PALM2AKAP2: variants seen among roughly 807,000 people sequenced by gnomAD.
PALM2AKAP2 encodes the protein PALM2 and AKAP2 fusion.
A neutral mutation model predicts 71.5 loss-of-function variants in PALM2AKAP2; 37 were observed. The observed-to-expected ratio is 0.52, with a 90% CI of 0.40 to 0.68. The LOEUF (loss-of-function observed/expected upper bound fraction) is 0.68. Ranked by LOEUF, PALM2AKAP2 falls within the 30% of genes least tolerant of loss-of-function variation. PALM2AKAP2 has a pLI of 0.00. For synonymous variants in PALM2AKAP2, 468 were observed against 478.8 expected, an observed-to-expected ratio of 0.98 and a Z score of 0.29; for missense variants, 1,224 against 1,191.8, an observed-to-expected ratio of 1.03 and a Z score of -0.40.
intron 6 of PALM2AKAP2, among the ~76,000 whole-genome samples, chr9:110,007,112 G>A (rs1052375781): frequency 2.0e-5 from 3 of 152,118 alleles, no homozygotes; most frequent in African/African-American, 7.2e-5. Flanking sequence ...CCCTTTTCCT[G>A]TCTCTGAACA....
At chr9:109,843,803 A>G (rs938833522) in intron 1 of PALM2AKAP2, among the ~76,000 whole-genome samples, 5 of 152,198 alleles carry the variant, frequency 3.3e-5, no homozygotes, top group African/African-American at 1.2e-4. Flanking sequence ...AGCTGTTCAC[A>G]CCGAGTTCCA....
chr9:109,988,943 C>T (rs957512101), intron 6 of PALM2AKAP2, among the ~76,000 whole-genome samples: 2 of 152,100 alleles, frequency 1.3e-5, no homozygotes, highest in African/African-American at 4.8e-5. Flanking sequence ...GGGGAAACCC[C>T]TTTTGCTTGG....
chr9:110,166,065 T>C (rs1836727251), intron 3 of PALM2AKAP2, among the ~76,000 whole-genome samples: 1 of 152,170 alleles, frequency 6.6e-6, no homozygotes, highest in South Asian at 2.1e-4. Flanking sequence ...CAATGTAGAG[T>C]TCTTTATAAA....
chr9:110,086,043 G>A (rs1834564214), intron 1 of PALM2AKAP2, among the ~76,000 whole-genome samples: 1 of 149,798 alleles, frequency 6.7e-6, no homozygotes, highest in Non-Finnish European at 1.5e-5. Flanking sequence ...GGAGGCAGTG[G>A]TTGCAGTGAG....
chr9:109,680,871 A>C (rs1457262594), intron 1 of PALM2AKAP2, among the ~76,000 whole-genome samples: 2 of 152,242 alleles, frequency 1.3e-5, no homozygotes, highest in Non-Finnish European at 2.9e-5. Context: ...CTAAAATTCC[A>C]TTCGAGATTA....
intron 1 of PALM2AKAP2, among the ~76,000 whole-genome samples, chr9:110,073,740 C>A (rs1015330754): frequency 6.6e-6 from 1 of 152,132 alleles, no homozygotes; most frequent in African/African-American, 2.4e-5. Context: ...AGAGTCTTTT[C>A]TCTGGGGAAG....
At chr9:109,891,160 C>A (rs1020174689) in intron 3 of PALM2AKAP2, among the ~76,000 whole-genome samples, 1 of 152,124 alleles carries the variant, frequency 6.6e-6, no homozygotes, top group Non-Finnish European at 1.5e-5. Flanking sequence ...CTTTAAAGAC[C>A]GGTAGCATTC....
At chr9:109,712,555 A>G (rs1019562291) in intron 1 of PALM2AKAP2, among the ~76,000 whole-genome samples, 2 of 152,236 alleles carry the variant, frequency 1.3e-5, no homozygotes, top group Admixed American at 6.5e-5. Context: ...GTGGTGCCCT[A>G]ATAAAGGCTG....
At chr9:110,160,083 A>G (rs1053651019) in intron 3 of PALM2AKAP2, among the ~76,000 whole-genome samples, 53 of 152,258 alleles carry the variant, frequency 3.5e-4, no homozygotes, top group African/African-American at 9.9e-4. Context: ...ACCCCTACCC[A>G]CTTACCCAAG....
intron 1 of PALM2AKAP2, among the ~76,000 whole-genome samples, chr9:109,852,740 T>C (rs1243557495): frequency 6.6e-6 from 1 of 152,090 alleles, no homozygotes; most frequent in Non-Finnish European, 1.5e-5. Flanking sequence ...CTGGAGTGAG[T>C]TGGTATCTCA....
chr9:109,994,904 C>G (rs1328516207), intron 6 of PALM2AKAP2, among the ~76,000 whole-genome samples: 3 of 152,198 alleles, frequency 2.0e-5, no homozygotes, highest in Admixed American at 2.0e-4. Flanking sequence ...CTCTCTTGTT[C>G]TATGCCTTGA....
intron 1 of PALM2AKAP2, among the ~76,000 whole-genome samples, chr9:110,088,127 C>G (rs945493325): frequency 1.3e-5 from 2 of 152,156 alleles, no homozygotes; most frequent in African/African-American, 4.8e-5. Context: ...AATGAAAGCA[C>G]ACACCACAAG....
At chr9:110,144,964 C>T (rs1289681027) in intron 2 of PALM2AKAP2, among the ~76,000 whole-genome samples, 2 of 152,220 alleles carry the variant, frequency 1.3e-5, no homozygotes, top group African/African-American at 2.4e-5. Flanking sequence ...CTCCAAAATC[C>T]ATCTTCTTTC....
chr9:109,642,183 C>T (rs942225942), intron 1 of PALM2AKAP2, among the ~76,000 whole-genome samples: 1 of 151,986 alleles, frequency 6.6e-6, no homozygotes, highest in African/African-American at 2.4e-5. Flanking sequence ...TGTTTAAGAG[C>T]TGGGCTCTAG....
intron 2 of PALM2AKAP2, among the ~76,000 whole-genome samples, chr9:110,141,536 G>C (rs533645440): frequency 6.6e-6 from 1 of 152,268 alleles, no homozygotes; most frequent in East Asian, 1.9e-4. Flanking sequence ...GTATTGCTTG[G>C]CTGGCCAACC....
intron 1 of PALM2AKAP2, among the ~76,000 whole-genome samples, chr9:109,856,511 A>G (rs1328138577): frequency 1.3e-5 from 2 of 152,236 alleles, no homozygotes; most frequent in Non-Finnish European, 2.9e-5. Context: ...TTTTTCCTGT[A>G]GGATGCATAA....
chr9:109,738,966 G>T (rs1828679245), intron 1 of PALM2AKAP2, among the ~76,000 whole-genome samples: 1 of 152,150 alleles, frequency 6.6e-6, no homozygotes, highest in Admixed American at 6.5e-5. Flanking sequence ...TTTCCATTTG[G>T]CTCTTGGTTG....
chr9:110,147,878 T>A (rs1316649470), intron 2 of PALM2AKAP2, among the ~76,000 whole-genome samples: 2 of 152,382 alleles, frequency 1.3e-5, no homozygotes, highest in Admixed American at 6.5e-5. Flanking sequence ...ATAAAATTGC[T>A]TTCTATTCCT....
At chr9:109,973,842 A>G (rs1016333706) in intron 6 of PALM2AKAP2, among the ~76,000 whole-genome samples, 1 of 152,246 alleles carries the variant, frequency 6.6e-6, no homozygotes, top group Non-Finnish European at 1.5e-5. Context: ...AATCGAAGCC[A>G]GTACCAATGG....
Sources: gnomAD v4.1 joint callset for allele counts (sites outside exome capture counted in the v4.1 genomes callset) on GRCh38, gnomAD v4.1.1 for gene constraint, MANE v1.5 for transcripts, NCBI Gene and HGNC (gene_info 2026-07-23, HGNC 2026-07-21) for gene names.